The following CTNNA3 variants were observed in gnomAD, a reference collection of about 807,000 sequenced individuals.
CTNNA3 encodes catenin alpha-3.
Under a neutral mutation model 95.7 loss-of-function variants are expected in CTNNA3, and 76 were observed. The ratio of observed to expected loss-of-function variants is 0.79; its 90% CI spans 0.66 to 0.96. The LOEUF is 0.96. CTNNA3 is among the 40% of genes least tolerant of loss of function. CTNNA3 has a pLI of 0.00. For missense variants in CTNNA3, 1,191 were observed against 1,089.8 expected (o/e 1.09, Z -1.31); for synonymous variants, 431 against 374.4 (o/e 1.15, Z -1.74).
intron 6 of CTNNA3, among the ~76,000 whole-genome samples, chr10:67,181,975 A>T (rs1475506124): frequency 6.6e-6 from 1 of 152,106 alleles, no homozygotes; most frequent in Non-Finnish European, 1.5e-5. Flanking sequence ...TAGGAATCCA[A>T]CTTACAAGGG....
intron 1 of CTNNA3, among the ~76,000 whole-genome samples, chr10:67,725,712 G>A (rs1448749606): frequency 6.6e-6 from 1 of 151,726 alleles, no homozygotes; most frequent in Non-Finnish European, 1.5e-5. Flanking sequence ...CTAAGGAGAA[G>A]AGCTTATGCC....
At chr10:67,160,530 TG>T (rs1310501396) in intron 7 of CTNNA3, among the ~76,000 whole-genome samples, 2 of 150,772 alleles carry the variant, frequency 1.3e-5, no homozygotes, top group African/African-American at 4.9e-5. Flanking sequence ...CTCGACCACT[TG>T]GGCTCAAACA....
In CTNNA3 at chr10:66,120,398, A is replaced by G. The variant is rs551906589; in HGVS notation, c.1885-17149T>C. ...TCAATAAATATTAAGTATACTGTCT[A>G]GTTAATACTGTTAGAATTACATTAA... is the stretch of plus-strand genomic sequence containing the variant. On this transcript the variant is annotated intron_variant, in intron 13 of 17. Coordinates refer to ENST00000433211, the MANE Select transcript of CTNNA3 (RefSeq NM_013266.4). Among the ~76,000 whole-genome samples, 4 of 152,310 alleles carry G rather than the reference A, an allele frequency of 2.6e-5. No homozygotes were observed. The South Asian group carries it at 8.3e-4, about 32-fold the overall frequency.
intron 12 of CTNNA3, among the ~76,000 whole-genome samples, chr10:66,377,813 A>G (rs1024482555): frequency 1.3e-5 from 2 of 152,158 alleles, no homozygotes; most frequent in Admixed American, 6.6e-5. Flanking sequence ...CCAGAGCACA[A>G]TCATCTTTTT....
rs201896157 is a variant in CTNNA3 at position 66,766,346 on chromosome 10, A to G, written c.1199T>C (p.Ile400Thr). 6.2e-6 allele frequency: 10 copies of G among 1,613,826 alleles called. No individual in the cohort carries two copies. Among genetic ancestry groups the G allele is most frequent in the South Asian group, 4.4e-5 (4 of 91,076 alleles). Reference protein sequence around the residue: ...LDTTVPLLVLIEAAKNGREKE... With the variant: ...LDTTVPLLVLTEAAKNGREKE... The stretch of plus-strand genomic sequence containing the variant: ...TTCCCGGCCATTCTTAGCAGCTTCA[A>G]TGAGAACCAAAAGAGGGACTGTCGT... Residue 400 changes from isoleucine to threonine, a missense_variant, in exon 9 of 18, where the codon ATT becomes ACT. Transcript: ENST00000433211.
intron 5 of CTNNA3, among the ~76,000 whole-genome samples, chr10:67,495,541 G>A (rs1156771440): frequency 1.3e-5 from 2 of 152,168 alleles, no homozygotes; most frequent in Non-Finnish European, 1.5e-5. Flanking sequence ...GCAGACAGTA[G>A]TGGTAGACCA....
At chr10:65,959,678 C>T (rs2077802827) in intron 17 of CTNNA3, among the ~76,000 whole-genome samples, 1 of 152,150 alleles carries the variant, frequency 6.6e-6, no homozygotes, top group Non-Finnish European at 1.5e-5. Context: ...GCATACACCA[C>T]CACACCTGGC....
At chr10:66,236,232 G>T (rs1052321894) in intron 13 of CTNNA3, among the ~76,000 whole-genome samples, 3 of 152,098 alleles carry the variant, frequency 2.0e-5, no homozygotes, top group African/African-American at 7.2e-5. Flanking sequence ...TATGAATAAA[G>T]TATCTCTTCT....
intron 1 of CTNNA3, among the ~76,000 whole-genome samples, chr10:67,666,253 A>G (rs1312100499): frequency 6.6e-6 from 1 of 152,116 alleles, no homozygotes; most frequent in African/African-American, 2.4e-5. Context: ...AGCTCTTACA[A>G]CAGTAATTTA....
At chr10:67,014,883 T>C (rs530792538) in intron 7 of CTNNA3, among the ~76,000 whole-genome samples, 4 of 152,188 alleles carry the variant, frequency 2.6e-5, no homozygotes, top group South Asian at 2.1e-4. Context: ...AGCCTTAATT[T>C]TGAAAAAAAT....
chr10:66,997,885 G>T (rs1467446378), intron 7 of CTNNA3, among the ~76,000 whole-genome samples: 1 of 152,012 alleles, frequency 6.6e-6, no homozygotes, highest in Non-Finnish European at 1.5e-5. Context: ...ACTCCTAATT[G>T]GTGATTAAGA....
intron 3 of CTNNA3, among the ~76,000 whole-genome samples, chr10:67,595,550 C>T (rs1842912441): frequency 6.6e-6 from 1 of 152,088 alleles, no homozygotes; most frequent in African/African-American, 2.4e-5. Flanking sequence ...TGCTTTATAG[C>T]TGAGCATTTG....
At chr10:67,759,604 C>A (rs1841452016) in intron 1 of CTNNA3, among the ~76,000 whole-genome samples, 2 of 152,214 alleles carry the variant, frequency 1.3e-5, no homozygotes, top group South Asian at 4.1e-4. Context: ...TGCTGTTACA[C>A]TCCCTAAATA....
chr10:66,131,747 G>A (rs191203494), intron 13 of CTNNA3, among the ~76,000 whole-genome samples: 11 of 152,016 alleles, frequency 7.2e-5, no homozygotes, highest in South Asian at 2.1e-4. Context: ...AAATAAGGCC[G>A]CACATCTACA....
At chr10:67,415,400 T>C (rs963549257) in intron 5 of CTNNA3, among the ~76,000 whole-genome samples, 3 of 152,080 alleles carry the variant, frequency 2.0e-5, no homozygotes, top group African/African-American at 4.8e-5. Flanking sequence ...CCACTTACAA[T>C]AGCCACAAAT....
chr10:66,738,490 T>C (rs1441251732), intron 9 of CTNNA3, among the ~76,000 whole-genome samples: 1 of 152,222 alleles, frequency 6.6e-6, no homozygotes, highest in Non-Finnish European at 1.5e-5. Context: ...TCTTTTCTGG[T>C]TCTTTATTGA....
intron 5 of CTNNA3, among the ~76,000 whole-genome samples, chr10:67,331,932 A>C (rs1213354580): frequency 2.0e-5 from 3 of 152,176 alleles, no homozygotes; most frequent in Non-Finnish European, 4.4e-5. Context: ...ATAAAGAAAA[A>C]TAATTACTTA....
At chr10:67,398,056 G>A (rs978363620) in intron 5 of CTNNA3, among the ~76,000 whole-genome samples, 1 of 152,220 alleles carries the variant, frequency 6.6e-6, no homozygotes, top group African/African-American at 2.4e-5. Flanking sequence ...TGGTGTGGGA[G>A]CCCCCACACA....
At chr10:66,400,268 C>A (rs1317560751) in intron 11 of CTNNA3, among the ~76,000 whole-genome samples, 1 of 152,058 alleles carries the variant, frequency 6.6e-6, no homozygotes, top group Non-Finnish European at 1.5e-5. Context: ...TGTCACTATG[C>A]TTTCTGGCAG....
Sources: gnomAD v4.1 joint callset for allele counts (sites outside exome capture counted in the v4.1 genomes callset) on GRCh38, gnomAD v4.1.1 for gene constraint, MANE v1.5 for transcripts, NCBI Gene and HGNC (gene_info 2026-07-23, HGNC 2026-07-21) for gene names.